STXBP4: variants seen among roughly 807,000 people sequenced by gnomAD.
STXBP4 encodes the protein syntaxin-binding protein 4.
In STXBP4, 55 loss-of-function variants were observed where a neutral mutation model predicts 76.1. That is an observed-to-expected ratio of 0.72 (90% confidence interval 0.58 to 0.91). STXBP4 has a LOEUF of 0.91. STXBP4 is among the 40% of genes least tolerant of loss of function. The probability of loss-of-function intolerance (pLI) is 0.00; values close to 1 mark genes in which losing one functional copy is unlikely to be tolerated. For synonymous variants in STXBP4, 201 were observed against 220.2 expected (o/e 0.91, Z 0.77); for missense variants, 618 against 636.9 (o/e 0.97, Z 0.32).
At chr17:54,973,881 C>T (rs1210572340) in intron 1 of STXBP4, among the ~76,000 whole-genome samples, 1 of 152,148 alleles carries the variant, frequency 6.6e-6, no homozygotes, top group South Asian at 2.1e-4. Flanking sequence ...AACGTTAAAC[C>T]TTGTAAACTC....
chr17:55,017,002 G>A (rs1031900872), intron 8 of STXBP4, among the ~76,000 whole-genome samples: 4 of 152,134 alleles, frequency 2.6e-5, no homozygotes, highest in Non-Finnish European at 5.9e-5. Flanking sequence ...TGATAGGAAG[G>A]CTAAGGGTTG....
chr17:55,146,859 T>C (rs1050953736), intron 17 of STXBP4, among the ~76,000 whole-genome samples: 2 of 152,212 alleles, frequency 1.3e-5, no homozygotes, highest in African/African-American at 2.4e-5. Flanking sequence ...ATGGCAGCTG[T>C]CTTCCTTGAA....
intron 7 of STXBP4, among the ~76,000 whole-genome samples, chr17:55,001,529 A>G (rs1312097497): frequency 6.6e-6 from 1 of 152,188 alleles, no homozygotes; most frequent in Non-Finnish European, 1.5e-5. Context: ...CACAACAATG[A>G]TAAAAAGACT....
At chr17:55,209,312 C>A in the STXBP4 span, among the ~76,000 whole-genome samples, 1 of 152,096 alleles carries the variant, frequency 6.6e-6, no homozygotes, top group East Asian at 1.9e-4. Flanking sequence ...AGGAAACGAG[C>A]TGGGAGAAGA....
chr17:55,040,215 G>C (rs1645006189), intron 10 of STXBP4, among the ~76,000 whole-genome samples: 1 of 152,096 alleles, frequency 6.6e-6, no homozygotes, highest in African/African-American at 2.4e-5. Context: ...AAGTTGGTGG[G>C]GGCCATTTTC....
At position 55,027,914 on chromosome 17, in the gene STXBP4, TG is replaced by T. The variant is rs1449713598; in HGVS notation, c.667-3253del. On this transcript the variant is annotated intron_variant, in intron 8 of 17. Transcript: ENST00000376352. ...TTTTATTGTCCTACTTTAAAACTCATGTTTTTTTACATATATGCTTTTAGTA... is the reference window on the plus strand; with the variant it reads ...TTTTATTGTCCTACTTTAAAACTCATTTTTTTTACATATATGCTTTTAGTA... 7.2e-5 allele frequency among the ~76,000 whole-genome samples: 11 copies of T among 152,174 alleles called. 1 individual carries two copies. Among genetic ancestry groups the T allele is most frequent in the Admixed American group, 7.2e-4 (11 of 15,286 alleles).
At position 55,068,983 on chromosome 17, in the gene STXBP4, C is replaced by A. The variant is rs1015232782; in HGVS notation, c.1012-3917C>A. ...GTGTGAGCTGTTACCGTGCTTTGTC[C>A]CAACAAAAGTCCAAAGTATTGGTAG... On this transcript the variant is annotated intron_variant, in intron 12 of 17. Transcript: ENST00000376352. 7.9e-5 allele frequency among the ~76,000 whole-genome samples: 12 copies of A among 151,712 alleles called. No homozygotes were observed. The East Asian group carries it at 2.1e-3, about 27-fold the overall frequency.
At chr17:55,101,212 A>G (rs1241345385) in intron 16 of STXBP4, among the ~76,000 whole-genome samples, 1 of 152,174 alleles carries the variant, frequency 6.6e-6, no homozygotes, top group Non-Finnish European at 1.5e-5. Flanking sequence ...GCAAGGCTAG[A>G]ATTTTTCCTG....
At chr17:55,151,404 A>C (rs908091982) in intron 17 of STXBP4, among the ~76,000 whole-genome samples, 1 of 152,238 alleles carries the variant, frequency 6.6e-6, no homozygotes, top group African/African-American at 2.4e-5. Context: ...TGTAAAGTAC[A>C]AAATGCTTTC....
intron 17 of STXBP4, among the ~76,000 whole-genome samples, chr17:55,151,676 G>A (rs940664696): frequency 6.6e-6 from 1 of 152,164 alleles, no homozygotes. Flanking sequence ...TTTAGGGACC[G>A]AAGGGAAGCG....
At chr17:55,045,413 C>G (rs1156910533) in intron 11 of STXBP4, among the ~76,000 whole-genome samples, 3 of 151,968 alleles carry the variant, frequency 2.0e-5, no homozygotes, top group Non-Finnish European at 4.4e-5. Flanking sequence ...TTATCGCTAC[C>G]TAAACCATTA....
At chr17:54,982,501 C>T (rs2077564044) in intron 1 of STXBP4, among the ~76,000 whole-genome samples, 1 of 151,794 alleles carries the variant, frequency 6.6e-6, no homozygotes. Flanking sequence ...ACTAGAATAA[C>T]AATATATTTG....
chr17:55,145,091 A>C (rs577385878), intron 17 of STXBP4, among the ~76,000 whole-genome samples: 1 of 152,202 alleles, frequency 6.6e-6, no homozygotes, highest in Admixed American at 6.5e-5. Context: ...GCTGCATTCA[A>C]CTAGGTGATG....
the STXBP4 span, among the ~76,000 whole-genome samples, chr17:55,202,755 T>C: frequency 6.6e-6 from 1 of 152,150 alleles, no homozygotes. Flanking sequence ...TTCCCTGACT[T>C]TATGTGATTC....
chr17:55,195,836 A>AT, the STXBP4 span, among the ~76,000 whole-genome samples: 2,638 of 152,162 alleles, frequency 0.017, 91 homozygotes, highest in African/African-American at 0.06. Flanking sequence ...ACCAGCAGAG[A>AT]TTTTTGGTTG....
At chr17:55,045,980 C>G (rs1014570382) in intron 11 of STXBP4, among the ~76,000 whole-genome samples, 3 of 152,058 alleles carry the variant, frequency 2.0e-5, no homozygotes, top group Admixed American at 6.6e-5. Flanking sequence ...TGTGACATCT[C>G]TATTCTTCAT....
chr17:55,165,354 GC>G lies in STXBP4; in HGVS notation c.*5444del, dbSNP rs997606000. ...CTTCTGGACCAAGTTCCAGGGAGCA[GC>G]AAAACCTCAATTACATTTGTCCCCT... On this transcript the variant is annotated 3_prime_UTR_variant, in exon 18 of 18. Transcript: ENST00000376352. 1.8e-4 allele frequency: 27 copies of G among 152,332 alleles called. 2 individuals carry two copies. The highest frequency in any genetic ancestry group is 6.3e-4 in the African/African-American group (26 of 41,556). 9.4% of individuals were successfully genotyped at this position (152,332 alleles called of 1,614,324 possible).
rs116097979 is a variant in STXBP4 at position 55,027,516 on chromosome 17, A to G, written c.667-3652A>G. 7.0e-3 allele frequency among the ~76,000 whole-genome samples: 1,064 copies of G among 152,318 alleles called. 15 individuals carry two copies. The highest frequency in any genetic ancestry group is 0.024 in the African/African-American group (1,005 of 41,570). On this transcript the variant is annotated intron_variant, in intron 8 of 17. Transcript: ENST00000376352. ...TAAAATCTCAGACTTCACCATTAAT[A>G]CAATTCATCTATGTAATCAAAAACT...
chr17:55,208,913 C>T, the STXBP4 span, among the ~76,000 whole-genome samples: 1 of 149,776 alleles, frequency 6.7e-6, no homozygotes, highest in African/African-American at 2.5e-5. Context: ...AAAACTCTGT[C>T]TCTACAGAAA....
Sources: allele counts gnomAD v4.1 joint callset (sites outside exome capture counted in the v4.1 genomes callset), GRCh38; gene constraint gnomAD v4.1.1; transcripts MANE v1.5; gene names NCBI Gene and HGNC (gene_info 2026-07-23, HGNC 2026-07-21).